The following CCDC171 variants were observed in gnomAD, a reference collection of about 807,000 sequenced individuals.
The protein encoded by CCDC171 is coiled-coil domain containing 171.
Under a neutral mutation model 168.2 loss-of-function variants are expected in CCDC171, and 177 were observed. The observed-to-expected ratio is 1.05, with a 90% CI of 0.93 to 1.19. CCDC171 has a LOEUF of 1.19. Ranked by LOEUF, CCDC171 falls within the 50% of genes most tolerant of loss-of-function variation. The pLI is 0.00. For missense variants in CCDC171, 1,991 were observed against 1,539.0 expected (o/e 1.29, Z -4.91); for synonymous variants, 687 against 540.8 (o/e 1.27, Z -3.75).
At chr9:15,577,381 C>A (rs575850080) in intron 3 of CCDC171, among the ~76,000 whole-genome samples, 4 of 152,204 alleles carry the variant, frequency 2.6e-5, no homozygotes, top group South Asian at 4.2e-4. Flanking sequence ...TAGTTAAGTG[C>A]GTTCATTACT....
chr9:15,753,812 A>G (rs1317414536), intron 18 of CCDC171, among the ~76,000 whole-genome samples: 2 of 152,176 alleles, frequency 1.3e-5, no homozygotes, highest in East Asian at 1.9e-4. Flanking sequence ...TAATTAAAGC[A>G]AGAGAATTAT....
At chr9:15,775,401 G>A (rs7022810) in intron 18 of CCDC171, among the ~76,000 whole-genome samples, 18,607 of 152,118 alleles carry the variant, frequency 0.12, 3,093 homozygotes, top group African/African-American at 0.37. Flanking sequence ...GTCTCGCTCT[G>A]TTGCCCTCCC....
In CCDC171 at chr9:15,724,810, A is replaced by G. The variant is rs779559673; in HGVS notation, c.1526A>G (p.Glu509Gly). 1.2e-6 allele frequency: 2 copies of G among 1,613,606 alleles called. No homozygotes were observed. Among genetic ancestry groups the G allele is most frequent in the African/African-American group, 2.7e-5 (2 of 74,900 alleles). Residue 509 changes from glutamate (E) to glycine (G), a missense_variant, in exon 14 of 26, where the codon GAG becomes GGG. Glu to Gly is a moderately conservative substitution (Grantham distance 98). Coordinates refer to ENST00000380701, the MANE Select transcript of CCDC171 (RefSeq NM_173550.4). Reference sequence around the variant, plus strand: ...GATAAACTGGCTGATGTTAATAAAGAGTTAAGTCATTTACACACTAAATGT... The same window carrying G: ...GATAAACTGGCTGATGTTAATAAAGGGTTAAGTCATTTACACACTAAATGT... ...LQDKLADVNK[E>G]LSHLHTKCAD... is the part of the protein sequence containing the mutation.
At chr9:15,774,938 C>T (rs1465764848) in intron 18 of CCDC171, among the ~76,000 whole-genome samples, 1 of 152,180 alleles carries the variant, frequency 6.6e-6, no homozygotes, top group African/African-American at 2.4e-5. Flanking sequence ...ATACATTGTA[C>T]TTTGGGGACT....
chr9:16,073,116 A>C, the CCDC171 span, among the ~76,000 whole-genome samples: 1 of 152,204 alleles, frequency 6.6e-6, no homozygotes, highest in African/African-American at 2.4e-5. Context: ...TGGAAGTATC[A>C]ATGGTTGCAT....
chr9:16,062,144 A>G (rs1481013240), downstream of CCDC171, among the ~76,000 whole-genome samples: 1 of 152,202 alleles, frequency 6.6e-6, no homozygotes, highest in Non-Finnish European at 1.5e-5. Context: ...GTCTCCTTGT[A>G]TCACAGGCTG....
At chr9:15,905,768 A>T (rs138519886) in intron 24 of CCDC171, among the ~76,000 whole-genome samples, 1,719 of 152,328 alleles carry the variant, frequency 0.011, 36 homozygotes, top group African/African-American at 0.039. Flanking sequence ...AGATTGATAG[A>T]CTGCTAGCAA....
At chr9:16,019,871 G>T (rs1214101040) in intron 3 of CCDC171, among the ~76,000 whole-genome samples, 1 of 152,170 alleles carries the variant, frequency 6.6e-6, no homozygotes, top group Non-Finnish European at 1.5e-5. Context: ...TGACTTCTGG[G>T]CAGCAGGGAA....
At chr9:15,779,514 C>T (rs757788626) in intron 20 of CCDC171, among the ~76,000 whole-genome samples, 4 of 151,966 alleles carry the variant, frequency 2.6e-5, no homozygotes, top group African/African-American at 4.8e-5. Context: ...TGGCTGCCAC[C>T]ACGCCTGGCT....
chr9:15,714,775 C>G (rs2052951928), intron 11 of CCDC171, among the ~76,000 whole-genome samples: 1 of 152,136 alleles, frequency 6.6e-6, no homozygotes, highest in African/African-American at 2.4e-5. Flanking sequence ...CTAATTCTTC[C>G]TTTTTTGTTT....
In CCDC171 at chr9:15,603,017, T is replaced by G. The variant is rs376386684; in HGVS notation, c.675+8845T>G. Among the ~76,000 whole-genome samples the G allele has an allele frequency of 1.8e-4, 28 of 152,152 alleles. 2 individuals carry two copies. The highest frequency in any genetic ancestry group is 1.0e-3 in the Admixed American group (16 of 15,268). On this transcript the variant is annotated intron_variant, in intron 6 of 25. Transcript: ENST00000380701. ...ATTTTTTTGAGACGGAGTCTCACTC[T>G]GTCACCCAGATTGGAGTGCAGTGGC...
At chr9:15,613,038 G>A (rs918533830) in intron 6 of CCDC171, among the ~76,000 whole-genome samples, 56 of 152,106 alleles carry the variant, frequency 3.7e-4, no homozygotes, top group African/African-American at 1.3e-3. Flanking sequence ...AAATTTTTGT[G>A]TTGACATAGA....
intron 7 of CCDC171, among the ~76,000 whole-genome samples, chr9:15,623,636 G>A (rs1362975391): frequency 5.3e-5 from 8 of 151,992 alleles, no homozygotes; most frequent in Admixed American, 4.6e-4. Flanking sequence ...AGTATTTTCT[G>A]TTTTGCCCTA....
chr9:15,730,308 A>G (rs1433830479), intron 16 of CCDC171, among the ~76,000 whole-genome samples: 1 of 150,364 alleles, frequency 6.7e-6, no homozygotes, highest in Non-Finnish European at 1.5e-5. Context: ...AGCAAAAGTA[A>G]TTCACTATGA....
intron 4 of CCDC171, among the ~76,000 whole-genome samples, chr9:15,583,770 A>G (rs1457767809): frequency 6.6e-6 from 1 of 152,192 alleles, no homozygotes. Flanking sequence ...TCCCCAAACT[A>G]TTGAAATAAA....
At chr9:15,910,161 G>A (rs1185530663) in intron 24 of CCDC171, among the ~76,000 whole-genome samples, 5 of 99,474 alleles carry the variant, frequency 5.0e-5, no homozygotes, top group Non-Finnish European at 1.0e-4. Context: ...TGTATTCCAT[G>A]GTATATATGT....
At chr9:15,619,969 G>A (rs900081981) in intron 6 of CCDC171, among the ~76,000 whole-genome samples, 1 of 152,178 alleles carries the variant, frequency 6.6e-6, no homozygotes, top group Non-Finnish European at 1.5e-5. Context: ...CCAGATGACA[G>A]CTCATCTCTT....
chr9:15,641,638 T>G (rs1183010098), intron 7 of CCDC171, among the ~76,000 whole-genome samples: 2 of 152,124 alleles, frequency 1.3e-5, no homozygotes, highest in Non-Finnish European at 2.9e-5. Flanking sequence ...TAGGAGACAT[T>G]CTTCTCTATA....
At chr9:15,791,347 C>A (rs1016867417) in intron 21 of CCDC171, among the ~76,000 whole-genome samples, 2 of 151,956 alleles carry the variant, frequency 1.3e-5, no homozygotes, top group African/African-American at 4.8e-5. Context: ...GTATTTTATT[C>A]TCTTTGAAGC....
Sources: gnomAD v4.1 joint callset for allele counts (sites outside exome capture counted in the v4.1 genomes callset) on GRCh38, gnomAD v4.1.1 for gene constraint, MANE v1.5 for transcripts, NCBI Gene and HGNC (gene_info 2026-07-23, HGNC 2026-07-21) for gene names.